GNB4: variants seen among roughly 807,000 people sequenced by gnomAD.
GNB4 encodes the protein guanine nucleotide-binding protein subunit beta-4.
GNB4 carries 28 observed loss-of-function variants against 45.2 expected under a neutral mutation model. The ratio of observed to expected loss-of-function variants is 0.62; its 90% CI spans 0.46 to 0.85. The LOEUF (loss-of-function observed/expected upper bound fraction) is 0.85. Ranked by LOEUF, GNB4 falls within the 40% of genes least tolerant of loss-of-function variation. The probability of loss-of-function intolerance (pLI) is 0.00; values close to 1 mark genes in which losing one functional copy is unlikely to be tolerated. For synonymous variants in GNB4, 132 were observed against 143.7 expected, an observed-to-expected ratio of 0.92 and a Z score of 0.58; for missense variants, 321 against 425.4, an observed-to-expected ratio of 0.75 and a Z score of 2.16.
intron 2 of GNB4, among the ~76,000 whole-genome samples, chr3:179,425,246 CTG>C (rs981396781): frequency 2.0e-5 from 3 of 152,180 alleles, no homozygotes; most frequent in African/African-American, 7.2e-5. Flanking sequence ...GACCGTGGTG[CTG>C]TCTCTTAGAG....
chr3:179,497,974 G>A, the GNB4 span, among the ~76,000 whole-genome samples: 1 of 152,302 alleles, frequency 6.6e-6, no homozygotes, highest in Admixed American at 6.5e-5. Flanking sequence ...CATTATGAAA[G>A]ACAGTATGGA....
chr3:179,414,192 T>TA (rs1366153624), intron 6 of GNB4, among the ~76,000 whole-genome samples: 2 of 151,976 alleles, frequency 1.3e-5, no homozygotes, highest in African/African-American at 4.8e-5. Context: ...AAGGAGCAGT[T>TA]AAAAAAATTT....
the GNB4 span, among the ~76,000 whole-genome samples, chr3:179,492,998 G>A: frequency 1.2e-4 from 18 of 152,166 alleles, no homozygotes; most frequent in Admixed American, 5.9e-4. Flanking sequence ...GGGAGACTAT[G>A]CCACTGTGTC....
chr3:179,493,384 A>T, the GNB4 span, among the ~76,000 whole-genome samples: 1 of 152,136 alleles, frequency 6.6e-6, no homozygotes, highest in Non-Finnish European at 1.5e-5. Context: ...GAAAATCATA[A>T]AAAAAGAACC....
chr3:179,479,833 T>C, the GNB4 span, among the ~76,000 whole-genome samples: 1 of 152,234 alleles, frequency 6.6e-6, no homozygotes, highest in African/African-American at 2.4e-5. Context: ...CTTAGAAATA[T>C]TGCACATTCT....
chr3:179,460,853 A>G, the GNB4 span, among the ~76,000 whole-genome samples: 1 of 152,122 alleles, frequency 6.6e-6, no homozygotes, highest in African/African-American at 2.4e-5. Flanking sequence ...ACAAAAGCTT[A>G]TTCTTAAATG....
chr3:179,438,352 G>A (rs1715513516), intron 1 of GNB4, among the ~76,000 whole-genome samples: 1 of 152,164 alleles, frequency 6.6e-6, no homozygotes, highest in African/African-American at 2.4e-5. Context: ...TGTGACCCCG[G>A]AAATTCTTTA....
the GNB4 span, among the ~76,000 whole-genome samples, chr3:179,491,574 G>A: frequency 6.6e-6 from 1 of 152,150 alleles, no homozygotes; most frequent in Non-Finnish European, 1.5e-5. Context: ...TCCGGAGCTG[G>A]TATAGAGGCC....
At chr3:179,489,967 T>C in the GNB4 span, among the ~76,000 whole-genome samples, 1 of 152,178 alleles carries the variant, frequency 6.6e-6, no homozygotes, top group South Asian at 2.1e-4. Context: ...TCAGAATCAT[T>C]ATTTGTATGG....
intron 1 of GNB4, among the ~76,000 whole-genome samples, chr3:179,445,413 T>C (rs1355244411): frequency 1.3e-5 from 2 of 152,102 alleles, no homozygotes; most frequent in African/African-American, 4.8e-5. Flanking sequence ...GCCTTCCGAG[T>C]AGCTGGAACT....
At chr3:179,413,355 T>C (rs1270188157) in intron 8 of GNB4, 57 bp downstream of exon 8, 21 of 1,351,528 alleles carry the variant, frequency 1.6e-5, no homozygotes, top group Non-Finnish European at 2.1e-5. Flanking sequence ...AATCATGCCA[T>C]AGAGCTCAAC....
At chr3:179,487,364 G>A in the GNB4 span, among the ~76,000 whole-genome samples, 1 of 152,124 alleles carries the variant, frequency 6.6e-6, no homozygotes, top group African/African-American at 2.4e-5. Context: ...TTTAAAGTGG[G>A]TCATACATGG....
In GNB4 at chr3:179,440,256, T is replaced by G. The variant is rs1026800577; in HGVS notation, c.-43+11090A>C. ...TGGTCTTACTTTACTCTTGAAGAAA[T>G]ATAAGAATGAAATAAATACCCAGGT... is the stretch of plus-strand genomic sequence containing the variant. On this transcript the variant is annotated intron_variant, in intron 1 of 9. Coordinates refer to ENST00000232564, the MANE Select transcript of GNB4 (RefSeq NM_021629.4). Among the ~76,000 whole-genome samples, 7 of 152,252 alleles carry G rather than the reference T, an allele frequency of 4.6e-5. No homozygotes were observed. In the East Asian group the frequency reaches 1.3e-3, roughly 29 times the overall value.
At chr3:179,467,694 G>C in the GNB4 span, among the ~76,000 whole-genome samples, 3 of 152,118 alleles carry the variant, frequency 2.0e-5, no homozygotes, top group Non-Finnish European at 2.9e-5. Context: ...GCACATAGTA[G>C]GCATTAAATA....
chr3:179,510,477 AG>A, the GNB4 span, among the ~76,000 whole-genome samples: 2 of 152,240 alleles, frequency 1.3e-5, no homozygotes, highest in Admixed American at 1.3e-4. Context: ...AACTAGTTAA[AG>A]CCATGCCATA....
the GNB4 span, among the ~76,000 whole-genome samples, chr3:179,527,220 T>C: frequency 1.3e-5 from 2 of 152,104 alleles, no homozygotes; most frequent in South Asian, 4.1e-4. Context: ...GTTCTCAGCC[T>C]GGAAGACGTT....
At chr3:179,454,653 T>C (rs927455980), upstream of GNB4, among the ~76,000 whole-genome samples, 3 of 152,196 alleles carry the variant, frequency 2.0e-5, no homozygotes, top group African/African-American at 4.8e-5. Context: ...TATATTTTTT[T>C]CTGAGCCTAC....
chr3:179,409,800 C>T (rs1258808756), intron 8 of GNB4, among the ~76,000 whole-genome samples: 3 of 139,752 alleles, frequency 2.1e-5, no homozygotes, highest in African/African-American at 5.4e-5. Context: ...CAGAGCAAGA[C>T]TCTGTCTCAA....
the GNB4 span, among the ~76,000 whole-genome samples, chr3:179,483,115 A>G: frequency 4.9e-4 from 75 of 152,262 alleles, 1 homozygote; most frequent in South Asian, 0.015. Flanking sequence ...TTCTATCTAA[A>G]GGACAATTTA....
Sources: allele counts gnomAD v4.1 joint callset (sites outside exome capture counted in the v4.1 genomes callset), GRCh38; gene constraint gnomAD v4.1.1; transcripts MANE v1.5; gene names NCBI Gene and HGNC (gene_info 2026-07-23, HGNC 2026-07-21).